Variants in WNK2 observed in about 807,000 individuals in gnomAD.
WNK2 encodes serine/threonine-protein kinase WNK2.
Under a neutral mutation model 192.1 loss-of-function variants are expected in WNK2, and 67 were observed. The observed-to-expected ratio is 0.35, with a 90% CI of 0.29 to 0.43. WNK2 has a LOEUF of 0.43. Ranked by LOEUF, WNK2 falls within the 20% of genes least tolerant of loss-of-function variation. The pLI is 1.00. For missense variants in WNK2, 2,698 were observed against 3,089.7 expected (o/e 0.87, Z 3.01); for synonymous variants, 1,439 against 1,393.9 (o/e 1.03, Z -0.72).
chr9:93,319,995 CAGAG>C (rs1034727127), intron 29 of WNK2, among the ~76,000 whole-genome samples: 2 of 152,342 alleles, frequency 1.3e-5, no homozygotes, highest in African/African-American at 2.4e-5. Context: ...GCCACCTCCT[CAGAG>C]AGCTGCAGTG....
At position 93,269,103 on chromosome 9, in the gene WNK2, C is replaced by T. The variant is rs149222744; in HGVS notation, c.4033+357C>T. The stretch of plus-strand genomic sequence containing the variant: ...CTGTGCCGCACACCTGCAGCAGACA[C>T]GCCTCTGCTGGTTCTGCTTGCTTTG... On this transcript the variant is annotated intron_variant, in intron 19 of 29. Coordinates refer to ENST00000427277, the MANE Select transcript of WNK2 (RefSeq NM_006648.4). Among the ~76,000 whole-genome samples the T allele has an allele frequency of 3.5e-3, 534 of 152,164 alleles. 3 individuals are homozygous for T. Among genetic ancestry groups the T allele is most frequent in the African/African-American group, 0.012 (505 of 41,490 alleles).
intron 7 of WNK2, among the ~76,000 whole-genome samples, chr9:93,245,907 G>A (rs1841596173): frequency 6.6e-6 from 1 of 152,186 alleles, no homozygotes; most frequent in South Asian, 2.1e-4. Context: ...CCTGCCAGGA[G>A]GGCCTCTGCA....
At chr9:93,319,016 G>A in intron 29 of WNK2, 5 of 1,528,564 alleles carry the variant, frequency 3.3e-6, no homozygotes, top group Admixed American at 2.2e-5. Flanking sequence ...CTTCTGCCAG[G>A]GCACGATGCT....
At chr9:93,224,619 AAAT>A (rs1837498381) in intron 2 of WNK2, among the ~76,000 whole-genome samples, 1 of 152,136 alleles carries the variant, frequency 6.6e-6, no homozygotes, top group Non-Finnish European at 1.5e-5. Context: ...TTCCTAGAGC[AAAT>A]AAGAGCTGGC....
chr9:93,308,802 A>G (rs1013548899), intron 28 of WNK2: 2 of 1,420,562 alleles, frequency 1.4e-6, no homozygotes, highest in Non-Finnish European at 1.8e-6. Flanking sequence ...GGTGGAAAGG[A>G]CAGGCCAGGC....
chr9:93,228,369 A>C (rs978845250), intron 2 of WNK2, among the ~76,000 whole-genome samples: 2 of 152,090 alleles, frequency 1.3e-5, no homozygotes, highest in African/African-American at 4.8e-5. Context: ...TTCCGGAAGG[A>C]TCCAGGGGTC....
rs111980456 is a variant in WNK2, at chr9:93,275,425, C to G, written c.4033+6679C>G. On this transcript the variant is annotated intron_variant, in intron 19 of 29. Transcript: ENST00000427277. ...AAAAAAAGTAATAATTCTTAGCAAA[C>G]TAGGAAAATAAGGGTACTTCTTCAG... 7.2e-4 allele frequency among the ~76,000 whole-genome samples: 110 copies of G among 152,058 alleles called. 1 individual carries two copies. The East Asian group carries it at 0.019, about 26-fold the overall frequency.
intron 19 of WNK2, among the ~76,000 whole-genome samples, chr9:93,286,573 TTAC>T (rs1470634882): frequency 1.3e-5 from 2 of 152,166 alleles, no homozygotes; most frequent in Non-Finnish European, 2.9e-5. Context: ...TGAGTGTAAA[TTAC>T]TACAACCATT....
intron 19 of WNK2, among the ~76,000 whole-genome samples, chr9:93,273,107 T>C (rs1030253718): frequency 2.0e-5 from 3 of 152,222 alleles, no homozygotes; most frequent in African/African-American, 7.2e-5. Flanking sequence ...CAAAATAGAC[T>C]TCAGAGCAAA....
Position 93,297,910 on chromosome 9 carries a change from G to C in WNK2, c.5766G>C (p.Leu1922=), listed in dbSNP as rs1338827420. Reference sequence around the variant, plus strand: ...AGCAGAAGCAGGAGATCGAAGCTCTGTACCGCCGCCTGGGCAAGCCACTGC... The same window carrying C: ...AGCAGAAGCAGGAGATCGAAGCTCTCTACCGCCGCCTGGGCAAGCCACTGC... ...QSQQKQEIEA[L]YRRLGKPLPP... The change falls in exon 24 of 30, where the codon CTG becomes CTC. Residue 1922 remains leucine, a synonymous_variant. Transcript: ENST00000427277. 2.5e-6 allele frequency: 4 copies of C among 1,591,790 alleles called. No individual in the cohort carries two copies. The African/African-American group carries it at 5.4e-5, about 21-fold the overall frequency.
rs973965955 is a variant in WNK2 at position 93,299,116 on chromosome 9, C to G, written c.5970C>G (p.Ala1990=). Residue 1990 remains alanine (A), a synonymous_variant, in exon 25 of 30, where the codon GCC becomes GCG. Transcript: ENST00000427277. The part of the protein sequence containing the change: ...SSRGPPAKDP[A]QASVGLTADS... ...GAGGCCCTCCCGCTAAGGACCCTGCCCAAGCCAGTGTGGGGCTCACTGCAG... is the reference window on the plus strand; with the variant it reads ...GAGGCCCTCCCGCTAAGGACCCTGCGCAAGCCAGTGTGGGGCTCACTGCAG... 6.2e-7 allele frequency: 1 copy of G among 1,611,732 alleles called. No homozygotes were observed. Among genetic ancestry groups the G allele is most frequent in the African/African-American group, 1.3e-5 (1 of 74,918 alleles).
Position 93,292,823 on chromosome 9 carries a change from G to A in WNK2, c.5358G>A (p.Leu1786=). 2 of 1,526,534 alleles carry A rather than the reference G, an allele frequency of 1.3e-6. No homozygotes were observed. The highest frequency in any genetic ancestry group is 1.8e-6 in the Non-Finnish European group (2 of 1,135,974). 94.6% of individuals were successfully genotyped at this position (1,526,534 alleles called of 1,614,324 possible). ...DEAPSSPDVK[L]AVRRAQTASS... is the part of the protein sequence containing the mutation. ...CCCCCTCCAGCCCCGACGTGAAGCTGGCAGTGCGGCGGGCGCAGACGGCCT... is the reference window on the plus strand; with the variant it reads ...CCCCCTCCAGCCCCGACGTGAAGCTAGCAGTGCGGCGGGCGCAGACGGCCT... Residue 1786 remains leucine (L), a synonymous_variant, in exon 23 of 30, where the codon CTG becomes CTA. Coordinates refer to ENST00000427277, the MANE Select transcript of WNK2 (RefSeq NM_006648.4).
intron 2 of WNK2, among the ~76,000 whole-genome samples, chr9:93,207,730 G>T (rs952187898): frequency 6.6e-6 from 1 of 152,272 alleles, no homozygotes; most frequent in African/African-American, 2.4e-5. Context: ...CAGGATTGCA[G>T]TGCCTGCAAC....
At chr9:93,214,992 C>A (rs1263806496) in intron 2 of WNK2, among the ~76,000 whole-genome samples, 3 of 151,828 alleles carry the variant, frequency 2.0e-5, no homozygotes, top group Non-Finnish European at 4.4e-5. Flanking sequence ...CTGTGATCTT[C>A]TGATCTCAGC....
At chr9:93,266,178 C>T (rs1481405560) in intron 16 of WNK2, among the ~76,000 whole-genome samples, 6 of 152,282 alleles carry the variant, frequency 3.9e-5, no homozygotes, top group African/African-American at 9.6e-5. Context: ...GTGGGACAGG[C>T]GCTGTTTAGA....
chr9:93,238,896 C>A (rs1411516616), intron 6 of WNK2, among the ~76,000 whole-genome samples: 1 of 152,186 alleles, frequency 6.6e-6, no homozygotes, highest in Non-Finnish European at 1.5e-5. Context: ...GCTTCCTCAG[C>A]CTTCCCTCCC....
chr9:93,250,545 C>G (rs966299841), intron 8 of WNK2, among the ~76,000 whole-genome samples: 5 of 152,200 alleles, frequency 3.3e-5, no homozygotes, highest in Non-Finnish European at 1.5e-5. Flanking sequence ...AGAACCTGGT[C>G]TGTGTAACAA....
chr9:93,309,204 T>C, intron 28 of WNK2: 1 of 905,298 alleles, frequency 1.1e-6, no homozygotes, highest in Non-Finnish European at 1.3e-6. Flanking sequence ...CCATCTGGGC[T>C]GGAGTTTTGT....
intron 28 of WNK2, among the ~76,000 whole-genome samples, chr9:93,313,901 G>A (rs1233832516): frequency 6.6e-6 from 1 of 152,168 alleles, no homozygotes; most frequent in Non-Finnish European, 1.5e-5. Flanking sequence ...GCTGAGGCAG[G>A]TGGATTGATT....
Sources: allele counts gnomAD v4.1 joint callset (sites outside exome capture counted in the v4.1 genomes callset), GRCh38; gene constraint gnomAD v4.1.1; transcripts MANE v1.5; gene names NCBI Gene and HGNC (gene_info 2026-07-23, HGNC 2026-07-21).